PITPNB: variants seen among roughly 807,000 people sequenced by gnomAD.
PITPNB encodes the protein phosphatidylinositol transfer protein beta isoform.
A neutral mutation model predicts 45.9 loss-of-function variants in PITPNB; 16 were observed. That is an observed-to-expected ratio of 0.35 (90% CI 0.24 to 0.53). The LOEUF is 0.53. Among genes scored for constraint, PITPNB ranks in the 20% least tolerant of loss-of-function variants. The probability of loss-of-function intolerance (pLI) is 0.93; values close to 1 mark genes in which losing one functional copy is unlikely to be tolerated. For missense variants in PITPNB, 188 were observed against 330.5 expected (o/e 0.57, Z 3.34); for synonymous variants, 112 against 108.9 (o/e 1.03, Z -0.18).
intron 2 of PITPNB, among the ~76,000 whole-genome samples, chr22:27,912,983 CA>C (rs35050003): frequency 0.012 from 387 of 33,630 alleles, 1 homozygote; most frequent in East Asian, 0.072. Flanking sequence ...ACTCCATCTC[CA>C]AAAAAAAAAA....
At chr22:27,884,979 T>C (rs73166739) in intron 7 of PITPNB, among the ~76,000 whole-genome samples, 1 of 151,390 alleles carries the variant, frequency 6.6e-6, no homozygotes, top group Non-Finnish European at 1.5e-5. Flanking sequence ...TTGTTATACA[T>C]AAATATCTAA....
chr22:27,852,956 G>T lies in PITPNB; in HGVS notation c.*746C>A, dbSNP rs906808251. The T allele has an allele frequency of 2.0e-5, 3 of 152,562 alleles. No individual in the cohort carries two copies. The highest frequency in any genetic ancestry group is 6.5e-5 in the Admixed American group (1 of 15,274). 9.5% of individuals were successfully genotyped at this position (152,562 alleles called of 1,614,324 possible). A position where few individuals can be genotyped will look rare whatever the true frequency, so the allele number is the denominator to read the frequency against. On this transcript the variant is annotated 3_prime_UTR_variant, in exon 12 of 12. Transcript: ENST00000335272. ...AAATACAAAAATCCAATAAAAACCAGAAATTTTTTTTAAAAGGATTTTTCC... is the reference window on the plus strand; with the variant it reads ...AAATACAAAAATCCAATAAAAACCATAAATTTTTTTTAAAAGGATTTTTCC...
At chr22:27,855,297 C>T (rs2146343035) in intron 10 of PITPNB, among the ~76,000 whole-genome samples, 1 of 152,310 alleles carries the variant, frequency 6.6e-6, no homozygotes, top group African/African-American at 2.4e-5. Context: ...GACAAGCAAG[C>T]CATGAGGGTG....
chr22:27,905,034 C>G (rs1351955874), intron 3 of PITPNB, among the ~76,000 whole-genome samples: 1 of 152,204 alleles, frequency 6.6e-6, no homozygotes, highest in African/African-American at 2.4e-5. Flanking sequence ...TTGGAAAACT[C>G]TGAACTGTGA....
At chr22:27,887,283 G>C (rs765289647) in intron 7 of PITPNB, among the ~76,000 whole-genome samples, 2 of 152,192 alleles carry the variant, frequency 1.3e-5, no homozygotes, top group African/African-American at 2.4e-5. Flanking sequence ...CATAAAAATA[G>C]TGTTGAGAAA....
At position 27,853,598 on chromosome 22, in the gene PITPNB, T is replaced by C. The variant is rs939346252; in HGVS notation, c.*104A>G. 13 of 1,547,636 alleles carry C rather than the reference T, an allele frequency of 8.4e-6. No homozygotes were observed. The highest frequency in any genetic ancestry group is 1.1e-5 in the Non-Finnish European group (13 of 1,143,896). On this transcript the variant is annotated 3_prime_UTR_variant, in exon 12 of 12. Transcript: ENST00000335272. ...GGGAAACGTCAACACTGCAAGATAC[T>C]GGTCAGATTCTTCTTCACTCATCAC...
chr22:27,894,567 T>C lies in PITPNB; in HGVS notation c.444A>G (p.Gln148=). 1.3e-6 allele frequency: 2 copies of C among 1,573,000 alleles called. No homozygotes were observed. Among genetic ancestry groups the C allele is most frequent in the Non-Finnish European group, 1.7e-6 (2 of 1,143,354 alleles). ...GAGTAATACTTACTGCTGGTTCAAC[T>C]TGACTTCTATCTGCAATATCTATAT... ...IVHIDIADRS[Q]VEPADYKADE... Residue 148 remains glutamine, a synonymous_variant, in exon 7 of 12, where the codon CAA becomes CAG. Transcript: ENST00000335272.
At chr22:27,885,334 T>C (rs939695280) in intron 7 of PITPNB, among the ~76,000 whole-genome samples, 1 of 149,078 alleles carries the variant, frequency 6.7e-6, no homozygotes, top group Non-Finnish European at 1.5e-5. Context: ...ATCAGGACAT[T>C]TAAGGAATCC....
At chr22:27,906,268 A>G (rs1935759695) in intron 3 of PITPNB, among the ~76,000 whole-genome samples, 1 of 152,250 alleles carries the variant, frequency 6.6e-6, no homozygotes, top group South Asian at 2.1e-4. Context: ...GATTGCTTAC[A>G]GCCAAGGGTT....
chr22:27,895,703 C>T (rs1018628783), intron 6 of PITPNB, among the ~76,000 whole-genome samples: 1 of 152,072 alleles, frequency 6.6e-6, no homozygotes, highest in Non-Finnish European at 1.5e-5. Context: ...GCATCAATAA[C>T]GTAAGAGCAC....
At chr22:27,909,950 C>CTTTT (rs544649700) in intron 3 of PITPNB, among the ~76,000 whole-genome samples, 1 of 130,320 alleles carries the variant, frequency 7.7e-6, no homozygotes, top group Non-Finnish European at 1.6e-5. Context: ...CCACTAATTT[C>CTTTT]TTTTTTTTTT....
In PITPNB at chr22:27,885,212, T is replaced by TA. The variant is rs71194746; in HGVS notation, c.456+9342dup. Among the ~76,000 whole-genome samples, 4 of 30,232 alleles carry TA rather than the reference T, an allele frequency of 1.3e-4. 1 individual carries two copies. The highest frequency in any genetic ancestry group is 1.9e-4 in the Non-Finnish European group (3 of 15,434). The allele number at this position is 30,232 out of a possible 152,430, so 19.8% of individuals were successfully genotyped here. ...AAAGAGCCAGATTCAAATTTATACC[T>TA]AAAAAAAAAAAAAAAAAAAAAAAAA... On this transcript the variant is annotated intron_variant, in intron 7 of 11. Transcript: ENST00000335272.
chr22:27,904,878 T>A (rs1254564826), intron 3 of PITPNB, among the ~76,000 whole-genome samples: 1 of 152,108 alleles, frequency 6.6e-6, no homozygotes, highest in African/African-American at 2.4e-5. Context: ...TCTAAAGTCC[T>A]GGAGAATTAC....
chr22:27,904,860 C>A (rs887337150), intron 3 of PITPNB, among the ~76,000 whole-genome samples: 5 of 152,000 alleles, frequency 3.3e-5, no homozygotes, highest in Non-Finnish European at 7.4e-5. Context: ...TTCTGGGAGA[C>A]AAGAGACTCT....
intron 7 of PITPNB, among the ~76,000 whole-genome samples, chr22:27,879,751 C>A (rs981551165): frequency 6.6e-6 from 1 of 152,026 alleles, no homozygotes. Context: ...TACAAAAAGG[C>A]ATGTTTCCTT....
intron 7 of PITPNB, among the ~76,000 whole-genome samples, chr22:27,879,390 T>C (rs9625352): frequency 0.048 from 7,335 of 152,260 alleles, 294 homozygotes; most frequent in South Asian, 0.11. Context: ...TGAGGCCCAA[T>C]GGAGCAAGCT....
At chr22:27,918,267 A>T (rs1228972262) in intron 1 of PITPNB, among the ~76,000 whole-genome samples, 1 of 152,222 alleles carries the variant, frequency 6.6e-6, no homozygotes, top group African/African-American at 2.4e-5. Context: ...GAAAAAAGCT[A>T]AATTAAGCCA....
chr22:27,873,392 T>G (rs1601390910), intron 8 of PITPNB, among the ~76,000 whole-genome samples: 2 of 152,364 alleles, frequency 1.3e-5, no homozygotes, highest in Middle Eastern at 6.8e-3. Flanking sequence ...GTTCAGTTTT[T>G]AATAAGACTA....
At chr22:27,860,086 G>C (rs374743608) in intron 9 of PITPNB, 45 bp downstream of exon 9, 1 of 1,101,548 alleles carries the variant, frequency 9.1e-7, no homozygotes, top group Non-Finnish European at 1.4e-6. Context: ...AGCTAGCTCC[G>C]ATCTCATCCT....
Sources: allele counts gnomAD v4.1 joint callset (sites outside exome capture counted in the v4.1 genomes callset), GRCh38; gene constraint gnomAD v4.1.1; transcripts MANE v1.5; gene names NCBI Gene and HGNC (gene_info 2026-07-23, HGNC 2026-07-21).